DCUN1D5: variants seen among roughly 807,000 people sequenced by gnomAD.
DCUN1D5 encodes the protein DCN1-like protein 5.
A neutral mutation model predicts 38.3 loss-of-function variants in DCUN1D5; 10 were observed. The observed-to-expected ratio is 0.26, with a 90% confidence interval of 0.16 to 0.44. The LOEUF (loss-of-function observed/expected upper bound fraction) is 0.44. DCUN1D5 is among the 20% of genes least tolerant of loss of function. The pLI is 1.00. For missense variants in DCUN1D5, 148 were observed against 275.3 expected (o/e 0.54, Z 3.27); for synonymous variants, 93 against 90.9 (o/e 1.02, Z -0.13).
rs1324899695 is a variant in DCUN1D5, at chr11:103,053,430, A to G, written c.*8929T>C. ...CAGAAGAAATAAGACCTGGTGTTCG[A>G]TATATCAGTAGGATGACTGATCTAT... On this transcript the variant is annotated 3_prime_UTR_variant, in exon 8 of 8. Transcript: ENST00000260247. This position sits in a 1 kb window ranked among gnomAD's most constrained non-coding sequence, Gnocchi z 4.8. The G allele has an allele frequency of 6.6e-6, 1 of 152,266 alleles. No individual in the cohort carries two copies. The highest frequency in any genetic ancestry group is 1.5e-5 in the Non-Finnish European group (1 of 67,972). 9.4% of individuals were successfully genotyped at this position (152,266 alleles called of 1,614,324 possible).
In DCUN1D5 at chr11:103,063,252, A is replaced by T. The variant is rs937605993; in HGVS notation, c.659-838T>A. Among the ~76,000 whole-genome samples the T allele has an allele frequency of 6.6e-6, 1 of 152,154 alleles. No homozygotes were observed. The highest frequency in any genetic ancestry group is 2.4e-5 in the African/African-American group (1 of 41,456). ...CTTGACTCCAGCCTCTGACTCCTAT[A>T]AAGGAGTACTATAAAGGTACAGTTT... On this transcript the variant is annotated intron_variant, in intron 7 of 7. Transcript: ENST00000260247. This position sits in a 1 kb window ranked among gnomAD's most constrained non-coding sequence, Gnocchi z 4.6.
At position 103,050,763 on chromosome 11, in the gene DCUN1D5, A is replaced by G. The variant is rs1289520961; in HGVS notation, c.*11596T>C. On this transcript the variant is annotated 3_prime_UTR_variant, in exon 8 of 8. Coordinates refer to ENST00000260247, the MANE Select transcript of DCUN1D5 (RefSeq NM_032299.4). ...TATTGAGTGCTTTTCTATACTGTGG[A>G]TAGTTCTGAGTACTGGTGAAATAAA... The G allele has an allele frequency of 1.3e-5, 2 of 152,278 alleles. No individual in the cohort carries two copies. The highest frequency in any genetic ancestry group is 1.3e-4 in the Admixed American group (2 of 15,296). 9.4% of individuals were successfully genotyped at this position (152,278 alleles called of 1,614,324 possible).
Position 103,061,447 on chromosome 11 carries a change from G to A in DCUN1D5, c.*912C>T, listed in dbSNP as rs532141033. 3.9e-5 allele frequency among the ~76,000 whole-genome samples: 6 copies of A among 152,124 alleles called. No homozygotes were observed. The South Asian group carries it at 1.0e-3, about 26-fold the overall frequency. The stretch of plus-strand genomic sequence containing the variant: ...AACAGGCAGAAAATTGTGATAATTA[G>A]CAAGCTGCAATACTACCAACGTAAA... On this transcript the variant is annotated 3_prime_UTR_variant, in exon 8 of 8. Coordinates refer to ENST00000260247, the MANE Select transcript of DCUN1D5 (RefSeq NM_032299.4).
Position 103,083,458 on chromosome 11 carries a change from G to T in DCUN1D5, c.179-132C>A. 1 of 559,006 alleles carries T rather than the reference G, an allele frequency of 1.8e-6. No individual in the cohort carries two copies. Among genetic ancestry groups the T allele is most frequent in the Non-Finnish European group, 3.2e-6 (1 of 309,086 alleles). The allele number at this position is 559,006 out of a possible 1,614,324, so 34.6% of individuals were successfully genotyped here. A position where few individuals can be genotyped will look rare whatever the true frequency, so the allele number is the denominator to read the frequency against. On this transcript the variant is annotated intron_variant, in intron 2 of 7. Transcript: ENST00000260247. The surrounding 1 kb of genome is among the most constrained non-coding windows in gnomAD (Gnocchi z 4.4). ...TAAATTTGAATTTTGGCATAGCTTT[G>T]ATAAGTATAAATATTTGCTACAGGA...
In DCUN1D5 at chr11:103,091,218, T is replaced by C. The variant is rs575268652; in HGVS notation, c.86+569A>G. On this transcript the variant is annotated intron_variant, in intron 1 of 7. Coordinates refer to ENST00000260247, the MANE Select transcript of DCUN1D5 (RefSeq NM_032299.4). The surrounding 1 kb of genome is among the most constrained non-coding windows in gnomAD (Gnocchi z 4.3). Reference sequence around the variant, plus strand: ...GGTGAGGCACTATACTTCCAGAAAATGGGGCTCCTGCAATTTAAAAGGCCT... The same window carrying C: ...GGTGAGGCACTATACTTCCAGAAAACGGGGCTCCTGCAATTTAAAAGGCCT... Among the ~76,000 whole-genome samples the C allele has an allele frequency of 6.6e-6, 1 of 152,042 alleles. No homozygotes were observed. Among genetic ancestry groups the C allele is most frequent in the Non-Finnish European group, 1.5e-5 (1 of 67,972 alleles).
Position 103,066,662 on chromosome 11 carries a change from A to G in DCUN1D5, c.342-95T>C. On this transcript the variant is annotated intron_variant, in intron 4 of 7. Coordinates refer to ENST00000260247, the MANE Select transcript of DCUN1D5 (RefSeq NM_032299.4). This position sits in a 1 kb window ranked among gnomAD's most constrained non-coding sequence, Gnocchi z 4.7. ...GACGTAATGCATTAAGAAAAAAGTG[A>G]GCGCATTTATGAAGTTAATTTAGTT... 2 of 667,366 alleles carry G rather than the reference A, an allele frequency of 3.0e-6. No homozygotes were observed. The highest frequency in any genetic ancestry group is 4.2e-4 in the Middle Eastern group (1 of 2,388). 41.3% of individuals were successfully genotyped at this position (667,366 alleles called of 1,614,324 possible).
At chr11:103,090,951 C>A (rs2134642336) in intron 1 of DCUN1D5, among the ~76,000 whole-genome samples, 1 of 152,250 alleles carries the variant, frequency 6.6e-6, no homozygotes, top group Middle Eastern at 3.4e-3. Flanking sequence ...AAAACCATTT[C>A]TCAAACCAAA....
intron 2 of DCUN1D5, among the ~76,000 whole-genome samples, chr11:103,085,839 C>T (rs1401900467): frequency 6.6e-6 from 1 of 152,212 alleles, no homozygotes. Context: ...TGAGTTCACT[C>T]TACTCCACCA....
intron 2 of DCUN1D5, among the ~76,000 whole-genome samples, chr11:103,088,653 A>G (rs1862775512): frequency 6.6e-6 from 1 of 152,200 alleles, no homozygotes; most frequent in South Asian, 2.1e-4. Flanking sequence ...TCTTCTGAAT[A>G]TAGTATTTAT....
rs552241416 is a variant in DCUN1D5, at chr11:103,054,799, T to A, written c.*7560A>T. 6.6e-6 allele frequency: 1 copy of A among 152,200 alleles called. No individual in the cohort carries two copies. The highest frequency in any genetic ancestry group is 1.5e-5 in the Non-Finnish European group (1 of 67,984). 9.4% of individuals were successfully genotyped at this position (152,200 alleles called of 1,614,324 possible). A position where few individuals can be genotyped will look rare whatever the true frequency, so the allele number is the denominator to read the frequency against. ...ATATAAATATACATTTATATTCAAA[T>A]GTATATTAGCGTCAACTGCCAGTCC... On this transcript the variant is annotated 3_prime_UTR_variant, in exon 8 of 8. Coordinates refer to ENST00000260247, the MANE Select transcript of DCUN1D5 (RefSeq NM_032299.4).
In DCUN1D5 at chr11:103,091,393, G is replaced by A. The variant is rs1591234198; in HGVS notation, c.86+394C>T. On this transcript the variant is annotated intron_variant, in intron 1 of 7. Transcript: ENST00000260247. The surrounding 1 kb of genome is among the most constrained non-coding windows in gnomAD (Gnocchi z 4.3). ...CACACTCTACAAAGAAATTCTAGAA[G>A]TGACCCTTCTGCGGATATGTACTCA... 1 of 188,786 alleles carries A rather than the reference G, an allele frequency of 5.3e-6. No individual in the cohort carries two copies. Among genetic ancestry groups the A allele is most frequent in the Non-Finnish European group, 1.1e-5 (1 of 88,694 alleles). The allele number at this position is 188,786 out of a possible 1,614,324, so 11.7% of individuals were successfully genotyped here. A position where few individuals can be genotyped will look rare whatever the true frequency, so the allele number is the denominator to read the frequency against.
Position 103,055,478 on chromosome 11 carries a change from C to A in DCUN1D5, c.*6881G>T, listed in dbSNP as rs1418734792. The A allele has an allele frequency of 6.6e-6, 1 of 152,146 alleles. No individual in the cohort carries two copies. The highest frequency in any genetic ancestry group is 2.4e-5 in the African/African-American group (1 of 41,442). 9.4% of individuals were successfully genotyped at this position (152,146 alleles called of 1,614,324 possible). A position where few individuals can be genotyped will look rare whatever the true frequency, so the allele number is the denominator to read the frequency against. The stretch of plus-strand genomic sequence containing the variant: ...AAACTGTATTACTTCAAAACAAAAA[C>A]TTTATTCCAAGAATAAAGTGACACT... On this transcript the variant is annotated 3_prime_UTR_variant, in exon 8 of 8. Transcript: ENST00000260247.
At chr11:103,080,085 TAC>T (rs1862518868) in intron 4 of DCUN1D5, 1 of 152,212 alleles carries the variant, frequency 6.6e-6, no homozygotes, top group Admixed American at 6.5e-5. Flanking sequence ...TCATGATTAT[TAC>T]AGTCTACTAT....
chr11:103,084,828 GA>G (rs934414794), intron 2 of DCUN1D5, among the ~76,000 whole-genome samples: 23 of 147,100 alleles, frequency 1.6e-4, no homozygotes, highest in African/African-American at 3.0e-4. Context: ...CATCTCTAGG[GA>G]AAAAAAAAAT....
At position 103,053,950 on chromosome 11, in the gene DCUN1D5, T is replaced by C. The variant is rs912453346; in HGVS notation, c.*8409A>G. ...TGCTATTAGATAAGGACTATTATTA[T>C]CCTCATGTTACAGACAAGGAAATGA... is the stretch of plus-strand genomic sequence containing the variant. On this transcript the variant is annotated 3_prime_UTR_variant, in exon 8 of 8. Transcript: ENST00000260247. This position sits in a 1 kb window ranked among gnomAD's most constrained non-coding sequence, Gnocchi z 4.8. The C allele has an allele frequency of 6.6e-6, 1 of 152,114 alleles. No individual in the cohort carries two copies. The highest frequency in any genetic ancestry group is 1.5e-5 in the Non-Finnish European group (1 of 67,968). 9.4% of individuals were successfully genotyped at this position (152,114 alleles called of 1,614,324 possible). A position where few individuals can be genotyped will look rare whatever the true frequency, so the allele number is the denominator to read the frequency against.
intron 4 of DCUN1D5, among the ~76,000 whole-genome samples, chr11:103,072,050 A>G (rs1471369761): frequency 6.6e-6 from 1 of 151,994 alleles, no homozygotes; most frequent in African/African-American, 2.4e-5. Context: ...TCAGAAAAAA[A>G]AAAATAGAGG....
chr11:103,062,681 C>A lies in DCUN1D5; in HGVS notation c.659-267G>T, dbSNP rs762521655. ...CTCCAGTAACTGAGTCAATACAAAT[C>A]TCTCCCTTTTTCTAAGTGTCCATAG... On this transcript the variant is annotated intron_variant, in intron 7 of 7. Transcript: ENST00000260247. The surrounding 1 kb of genome is among the most constrained non-coding windows in gnomAD (Gnocchi z 4.6). 3.7e-4 allele frequency among the ~76,000 whole-genome samples: 56 copies of A among 152,212 alleles called. 1 individual carries two copies. Among genetic ancestry groups the A allele is most frequent in the Non-Finnish European group, 7.1e-4 (48 of 67,978 alleles).
At chr11:103,076,892 G>A (rs981603428) in intron 4 of DCUN1D5, among the ~76,000 whole-genome samples, 5 of 152,102 alleles carry the variant, frequency 3.3e-5, no homozygotes, top group African/African-American at 1.2e-4. Flanking sequence ...GAATCCAACA[G>A]ACTTTTTTGT....
rs578048119 is a variant in DCUN1D5, at chr11:103,066,059, G to C, written c.555+210C>G. 4.0e-5 allele frequency among the ~76,000 whole-genome samples: 6 copies of C among 151,392 alleles called. No individual in the cohort carries two copies. Among genetic ancestry groups the C allele is most frequent in the African/African-American group, 1.5e-4 (6 of 41,168 alleles). On this transcript the variant is annotated intron_variant, in intron 6 of 7. Transcript: ENST00000260247. This position sits in a 1 kb window ranked among gnomAD's most constrained non-coding sequence, Gnocchi z 4.7. ...AGGTTTCTTTTATTTGGGGGACTGG[G>C]GGGGTAGGATTGAAAATATCTTAGG... is the stretch of plus-strand genomic sequence containing the variant.
Sources: gnomAD v4.1 joint callset for allele counts (sites outside exome capture counted in the v4.1 genomes callset) on GRCh38, gnomAD v4.1.1 for gene constraint, Gnocchi (gnomAD v3.1) non-coding constraint, MANE v1.5 for transcripts, NCBI Gene and HGNC (gene_info 2026-07-23, HGNC 2026-07-21) for gene names.